Variants in IL17RD observed in about 807,000 individuals in gnomAD.
IL17RD encodes the protein interleukin 17 receptor D.
In IL17RD, 52 loss-of-function variants were observed where a neutral mutation model predicts 80.5. That is an observed-to-expected ratio of 0.65 (90% CI 0.52 to 0.81). IL17RD has a LOEUF of 0.81. Among genes scored for constraint, IL17RD ranks in the 40% least tolerant of loss-of-function variants. The pLI, the probability that IL17RD is intolerant of heterozygous loss-of-function variation, is 0.00. For synonymous variants in IL17RD, 416 were observed against 391.8 expected, an observed-to-expected ratio of 1.06 and a Z score of -0.73; for missense variants, 1,024 against 955.1, an observed-to-expected ratio of 1.07 and a Z score of -0.95.
chr3:57,136,641 CAAAAAAA>C (rs59941543), intron 1 of IL17RD, among the ~76,000 whole-genome samples: 4 of 48,100 alleles, frequency 8.3e-5, no homozygotes, highest in Admixed American at 6.3e-4. Context: ...AACCCCCACT[CAAAAAAA>C]AAAAAAAAAA....
chr3:57,135,239 G>A (rs974102652), intron 1 of IL17RD, among the ~76,000 whole-genome samples: 5 of 152,204 alleles, frequency 3.3e-5, no homozygotes, highest in African/African-American at 1.2e-4. Flanking sequence ...AGCATTTCCT[G>A]GAGCACTGAG....
intron 1 of IL17RD, among the ~76,000 whole-genome samples, chr3:57,127,213 TATATATAAATATATATAAAA>T (rs1707480873): frequency 8.7e-6 from 1 of 115,390 alleles, no homozygotes; most frequent in African/African-American, 4.1e-5. Context: ...TATATAAAAA[TATATATAAATATATATAAAA>T]ATATATAAAT....
At chr3:57,132,465 C>CAAA (rs965044548) in intron 1 of IL17RD, among the ~76,000 whole-genome samples, 1 of 151,970 alleles carries the variant, frequency 6.6e-6, no homozygotes, top group African/African-American at 2.4e-5. Context: ...GTCTCAAAAA[C>CAAA]AACAACAACA....
chr3:57,157,347 G>A (rs1399565878), intron 1 of IL17RD, among the ~76,000 whole-genome samples: 2 of 152,120 alleles, frequency 1.3e-5, no homozygotes, highest in Admixed American at 1.3e-4. Context: ...CGGTACTGTG[G>A]CCCCAGAATC....
intron 1 of IL17RD, among the ~76,000 whole-genome samples, chr3:57,149,141 C>T (rs897542047): frequency 4.6e-5 from 7 of 151,996 alleles, no homozygotes; most frequent in Non-Finnish European, 8.8e-5. Context: ...GTGAAAAATA[C>T]AAAAATTAGC....
intron 1 of IL17RD, among the ~76,000 whole-genome samples, chr3:57,153,744 G>T (rs1383308055): frequency 6.6e-6 from 1 of 152,192 alleles, no homozygotes; most frequent in African/African-American, 2.4e-5. Flanking sequence ...CAATAATGGG[G>T]AATCCCCATG....
At position 57,126,275 on chromosome 3, in the gene IL17RD, C is replaced by T. The variant is rs142537623; in HGVS notation, c.127-5962G>A. 5.0e-3 allele frequency among the ~76,000 whole-genome samples: 757 copies of T among 152,312 alleles called. 3 individuals are homozygous for T. Among genetic ancestry groups the T allele is most frequent in the Middle Eastern group, 0.027 (8 of 294 alleles). On this transcript the variant is annotated intron_variant, in intron 1 of 12. Coordinates refer to ENST00000296318, the MANE Select transcript of IL17RD (RefSeq NM_017563.5). ...GTTCCAAAGGGAGCTAAGCAGCAAG[C>T]CCCGGCTGTCTGGAGTGCTGCTATG...
chr3:57,111,972 AAAG>A (rs1707109240), intron 3 of IL17RD, among the ~76,000 whole-genome samples: 1 of 151,510 alleles, frequency 6.6e-6, no homozygotes. Context: ...AAAAAAAAAA[AAAG>A]AAAGAAAGAA....
At chr3:57,149,401 C>A (rs1708005961) in intron 1 of IL17RD, among the ~76,000 whole-genome samples, 1 of 151,984 alleles carries the variant, frequency 6.6e-6, no homozygotes, top group East Asian at 1.9e-4. Context: ...TCTGTACTTA[C>A]CCATATTGGT....
chr3:57,137,867 G>A (rs1291067184), intron 1 of IL17RD, among the ~76,000 whole-genome samples: 1 of 152,158 alleles, frequency 6.6e-6, no homozygotes, highest in South Asian at 2.1e-4. Context: ...CTTCCAAACA[G>A]AGCTCATTAA....
At chr3:57,142,527 C>A in intron 1 of IL17RD, 1 of 1,286,286 alleles carries the variant, frequency 7.8e-7, no homozygotes, top group Non-Finnish European at 1.0e-6. Context: ...CCAACCGCCC[C>A]GTCTGACCTC....
rs762329703 is a variant in IL17RD, at chr3:57,103,076, CA to C, written c.868+14del. On this transcript the variant is annotated intron_variant, in intron 9 of 12. Coordinates refer to ENST00000296318, the MANE Select transcript of IL17RD (RefSeq NM_017563.5). Reference sequence around the variant, plus strand: ...TAGTAGTCTAGAGCCAAATTTCAAACAAAAAAGCACCTACCTGGCTTTAAGG... The same window carrying C: ...TAGTAGTCTAGAGCCAAATTTCAAACAAAAAGCACCTACCTGGCTTTAAGG... 2.5e-6 allele frequency: 4 copies of C among 1,581,454 alleles called. No homozygotes were observed. The highest frequency in any genetic ancestry group is 1.3e-5 in the African/African-American group (1 of 74,464).
At position 57,097,839 on chromosome 3, in the gene IL17RD, T is replaced by G; in HGVS notation, c.1864A>C (p.Ser622Arg). The change falls in exon 12 of 13, where the codon AGT becomes CGT. Residue 622 changes from serine (S) to arginine (R), a missense_variant. By Grantham distance (110) the Ser-to-Arg change is moderately radical. Coordinates refer to ENST00000296318, the MANE Select transcript of IL17RD (RefSeq NM_017563.5). ...ATGPADSQHE[S>R]QHGGLDQDGE... ...TCTTGGTCCAGGCCCCCATGCTGACTCTCGTGCTGGGAGTCGGCTGGTCCG... is the reference window on the plus strand; with the variant it reads ...TCTTGGTCCAGGCCCCCATGCTGACGCTCGTGCTGGGAGTCGGCTGGTCCG... The G allele has an allele frequency of 6.2e-7, 1 of 1,612,524 alleles. No homozygotes were observed. The highest frequency in any genetic ancestry group is 8.5e-7 in the Non-Finnish European group (1 of 1,179,232).
rs186196608 is a variant in IL17RD, at chr3:57,162,811, T to C, written c.126+2350A>G. Among the ~76,000 whole-genome samples the C allele has an allele frequency of 3.4e-4, 52 of 152,008 alleles. No homozygotes were observed. The East Asian group carries it at 7.7e-3, about 23-fold the overall frequency. On this transcript the variant is annotated intron_variant, in intron 1 of 12. Transcript: ENST00000296318. ...TTCAGTGCCTGGCTAAAGAAACTAG[T>C]CTGAAGACATAGAAGTGAACAAATA...
Position 57,127,379 on chromosome 3 carries a change from A to AATATATATAATATAT in IL17RD, c.127-7067_127-7066insATATATTATATATAT, listed in dbSNP as rs1559477347. Among the ~76,000 whole-genome samples, 82 of 82,180 alleles carry AATATATATAATATAT rather than the reference A, an allele frequency of 1.0e-3. 2 individuals are homozygous for AATATATATAATATAT. Among genetic ancestry groups the AATATATATAATATAT allele is most frequent in the Admixed American group, 1.9e-3 (10 of 5,198 alleles). 53.9% of individuals were successfully genotyped at this position (82,180 alleles called of 152,430 possible). On this transcript the variant is annotated intron_variant, in intron 1 of 12. Coordinates refer to ENST00000296318, the MANE Select transcript of IL17RD (RefSeq NM_017563.5). Reference sequence around the variant, plus strand: ...ATATAAATATAAATATATATATATAAATAAATAAATAAATAAATATATATA... The same window carrying AATATATATAATATAT: ...ATATAAATATAAATATATATATATAAATATATATAATATATATAAATAAATAAATAAATATATATA...
At chr3:57,097,562 G>T in intron 12 of IL17RD, 34 bp downstream of exon 12, 1 of 1,490,896 alleles carries the variant, frequency 6.7e-7, no homozygotes, top group Non-Finnish European at 9.2e-7. Context: ...CAAAGGCTGC[G>T]GCCTGTTAGG....
intron 1 of IL17RD, among the ~76,000 whole-genome samples, chr3:57,160,069 G>C (rs982602512): frequency 6.6e-6 from 1 of 152,210 alleles, no homozygotes; most frequent in African/African-American, 2.4e-5. Flanking sequence ...CTACTCGGGA[G>C]GCTGAGGCAG....
At chr3:57,121,633 G>C (rs1377740780) in intron 1 of IL17RD, among the ~76,000 whole-genome samples, 4 of 152,112 alleles carry the variant, frequency 2.6e-5, no homozygotes, top group African/African-American at 9.7e-5. Context: ...ACATATACAA[G>C]ATTCCAGAAC....
rs750007583 is a variant in IL17RD at position 57,097,788 on chromosome 3, C to T, written c.1915G>A (p.Gly639Ser). 6.2e-7 allele frequency: 1 copy of T among 1,603,388 alleles called. No individual in the cohort carries two copies. The highest frequency in any genetic ancestry group is 8.5e-7 in the Non-Finnish European group (1 of 1,174,634). Residue 639 changes from glycine (G) to serine (S), a missense_variant, in exon 12 of 13, where the codon GGT becomes AGT. Coordinates refer to ENST00000296318, the MANE Select transcript of IL17RD (RefSeq NM_017563.5). ...AGCAGGGGTTGCAGGGCGGCGCTACCGTCAAGGGCAGGCCGGGCCTCCCCG... is the reference window on the plus strand; with the variant it reads ...AGCAGGGGTTGCAGGGCGGCGCTACTGTCAAGGGCAGGCCGGGCCTCCCCG... The part of the protein sequence containing the change: ...QDGEARPALD[G>S]SAALQPLLHT...
Sources: allele counts gnomAD v4.1 joint callset (sites outside exome capture counted in the v4.1 genomes callset), GRCh38; gene constraint gnomAD v4.1.1; transcripts MANE v1.5; gene names NCBI Gene and HGNC (gene_info 2026-07-23, HGNC 2026-07-21).